The following ITPRID2 variants were observed in gnomAD, a reference collection of about 807,000 sequenced individuals.
ITPRID2 encodes the protein ITPR interacting domain containing 2.
A neutral mutation model predicts 124.3 loss-of-function variants in ITPRID2; 60 were observed. The ratio of observed to expected loss-of-function variants is 0.48; its 90% CI spans 0.39 to 0.60. ITPRID2 has a LOEUF of 0.60. Ranked by LOEUF, ITPRID2 falls within the 20% of genes least tolerant of loss-of-function variation. ITPRID2 has a pLI of 0.00. For missense variants in ITPRID2, 1,553 were observed against 1,512.2 expected (o/e 1.03, Z -0.45); for synonymous variants, 521 against 542.9 (o/e 0.96, Z 0.56).
chr2:181,928,013 G>A (rs747903562), intron 16 of ITPRID2, 148 bp from the exon 17 acceptor site: 21 of 579,298 alleles, frequency 3.6e-5, no homozygotes, highest in Non-Finnish European at 5.6e-5. Flanking sequence ...AGATGGACTC[G>A]ATTCCCCACT....
intron 6 of ITPRID2, among the ~76,000 whole-genome samples, chr2:181,900,443 C>T (rs988241877): frequency 6.6e-6 from 1 of 152,144 alleles, no homozygotes; most frequent in Non-Finnish European, 1.5e-5. Context: ...TAGGGAATCT[C>T]TGACTGTGTT....
intron 17 of ITPRID2, among the ~76,000 whole-genome samples, chr2:181,928,869 G>A (rs538598011): frequency 1.3e-4 from 20 of 151,978 alleles, no homozygotes; most frequent in Non-Finnish European, 2.1e-4. Context: ...CTCGTGATCC[G>A]CCCGCCTCGG....
intron 2 of ITPRID2, among the ~76,000 whole-genome samples, chr2:181,895,137 A>G (rs909027508): frequency 6.6e-6 from 1 of 152,000 alleles, no homozygotes; most frequent in Non-Finnish European, 1.5e-5. Flanking sequence ...TTTCAGTAAC[A>G]TTTCCTTGAA....
At position 181,905,097 on chromosome 2, in the gene ITPRID2, G is replaced by A. The variant is rs979669745; in HGVS notation, c.1413+2631G>A. Among the ~76,000 whole-genome samples the A allele has an allele frequency of 1.4e-5, 2 of 145,578 alleles. No individual in the cohort carries two copies. The highest frequency in any genetic ancestry group is 3.0e-5 in the Non-Finnish European group (2 of 67,168). ...GAGACGGAGTCGCGCATTGTCACCC[G>A]GGAGTGCAGTGGTGCAATCTTGGCT... On this transcript the variant is annotated intron_variant, in intron 8 of 17. Transcript: ENST00000431877. The surrounding 1 kb of genome is among the most constrained non-coding windows in gnomAD (Gnocchi z 4.1).
intron 11 of ITPRID2, chr2:181,918,157 G>A (rs772187188): frequency 1.1e-5 from 3 of 271,916 alleles, no homozygotes; most frequent in African/African-American, 2.3e-5. Context: ...TACCTTTTAT[G>A]TTTTTATCTC....
chr2:181,911,592 C>CT (rs1693609439), intron 9 of ITPRID2, among the ~76,000 whole-genome samples: 1 of 152,072 alleles, frequency 6.6e-6, no homozygotes, highest in African/African-American at 2.4e-5. Context: ...AATGTTTCCT[C>CT]TAACTTCCTA....
In ITPRID2 at chr2:181,907,858, T is replaced by C. The variant is rs1693276498; in HGVS notation, c.1414-2041T>C. ...GAGTAAACAAGAAGAATCCCAACTT[T>C]AGTTTTATTAGTAAAATGTGACTGT... On this transcript the variant is annotated intron_variant, in intron 8 of 17. Transcript: ENST00000431877. The surrounding 1 kb of genome is among the most constrained non-coding windows in gnomAD (Gnocchi z 5.1). Among the ~76,000 whole-genome samples, 1 of 152,210 alleles carries C rather than the reference T, an allele frequency of 6.6e-6. No homozygotes were observed. The highest frequency in any genetic ancestry group is 6.5e-5 in the Admixed American group (1 of 15,276).
chr2:181,899,617 C>T (rs1692493708), intron 6 of ITPRID2, among the ~76,000 whole-genome samples: 1 of 152,102 alleles, frequency 6.6e-6, no homozygotes, highest in Non-Finnish European at 1.5e-5. Context: ...GGGTGGATTA[C>T]TTGAGCTTAG....
chr2:181,919,152 A>G lies in ITPRID2; in HGVS notation c.2994-144A>G. 1.1e-6 allele frequency: 1 copy of G among 946,544 alleles called. No individual in the cohort carries two copies. The highest frequency in any genetic ancestry group is 1.6e-6 in the Non-Finnish European group (1 of 638,372). 58.6% of individuals were successfully genotyped at this position (946,544 alleles called of 1,614,324 possible). On this transcript the variant is annotated intron_variant, in intron 13 of 17. Coordinates refer to ENST00000431877, the MANE Select transcript of ITPRID2 (RefSeq NM_001130445.3). This position sits in a 1 kb window ranked among gnomAD's most constrained non-coding sequence, Gnocchi z 4.2. ...GAAAGACTAATGTCCTTGTGGATAC[A>G]CCTATTGTAGTTGATATTGTACTAA...
intron 16 of ITPRID2, among the ~76,000 whole-genome samples, chr2:181,923,099 A>G (rs1043194503): frequency 6.6e-6 from 1 of 152,216 alleles, no homozygotes; most frequent in African/African-American, 2.4e-5. Flanking sequence ...GAATTACCAT[A>G]GTTATGGATG....
rs780722766 is a variant in ITPRID2, at chr2:181,915,866, C to T, written c.2226C>T (p.Thr742=). Residue 742 remains threonine, a synonymous_variant, in exon 11 of 18, where the codon ACC becomes ACT. Transcript: ENST00000431877. ...TAAGAAGGTCTCAGTCTTTACCAAC[C>T]ACCTTATTGAGCCCAGTAAGGGTTG... ...YPLRRSQSLP[T]TLLSPVRVVS... 8.1e-6 allele frequency: 13 copies of T among 1,614,028 alleles called. No homozygotes were observed. Among genetic ancestry groups the T allele is most frequent in the Non-Finnish European group, 1.1e-5 (13 of 1,180,028 alleles).
At chr2:181,904,281 T>C (rs932679567) in intron 8 of ITPRID2, among the ~76,000 whole-genome samples, 7 of 152,134 alleles carry the variant, frequency 4.6e-5, no homozygotes, top group Admixed American at 2.6e-4. Flanking sequence ...GACGTGAACA[T>C]TTTTTTGAAG....
chr2:181,909,800 C>T, intron 8 of ITPRID2, 99 bp from the exon 9 acceptor site: 1 of 795,060 alleles, frequency 1.3e-6, no homozygotes, highest in Non-Finnish European at 2.0e-6. Context: ...TTTTGGTGCA[C>T]TTGAGTTAGG....
chr2:181,903,218 A>G (rs1003155176), intron 8 of ITPRID2, among the ~76,000 whole-genome samples: 11 of 152,192 alleles, frequency 7.2e-5, no homozygotes, highest in African/African-American at 2.4e-4. Context: ...CCAAGCATCT[A>G]CCCTGTGCTG....
In ITPRID2 at chr2:181,900,797, C is replaced by T. The variant is rs1446665670; in HGVS notation, c.605C>T (p.Ser202Phe). The change falls in exon 7 of 18, where the codon TCC (serine) becomes TTC (phenylalanine). Residue 202 changes from serine (S) to phenylalanine (F), a missense_variant. Physicochemically the swap from Ser to Phe is radical, Grantham distance 155. Coordinates refer to ENST00000431877, the MANE Select transcript of ITPRID2 (RefSeq NM_001130445.3). ...DEPDIASKIP[S>F]RFFNSSSFAK... is the part of the protein sequence containing the mutation. ...CCAGATATTGCTTCTAAAATTCCTT[C>T]CAGATTTTTTAATTCATCATCCTTT... 6.2e-7 allele frequency: 1 copy of T among 1,612,888 alleles called. No individual in the cohort carries two copies. The highest frequency in any genetic ancestry group is 8.5e-7 in the Non-Finnish European group (1 of 1,179,486).
At position 181,902,780 on chromosome 2, in the gene ITPRID2, C is replaced by A. The variant is rs1692777679; in HGVS notation, c.1413+314C>A. On this transcript the variant is annotated intron_variant, in intron 8 of 17. Coordinates refer to ENST00000431877, the MANE Select transcript of ITPRID2 (RefSeq NM_001130445.3). The surrounding 1 kb of genome is among the most constrained non-coding windows in gnomAD (Gnocchi z 4.4). ...TGAGAGAGTATATTTAAATTCAAAG[C>A]AATATTGCATAATAGTTAGAAACAC... 6.6e-6 allele frequency among the ~76,000 whole-genome samples: 1 copy of A among 152,138 alleles called. No homozygotes were observed. Among genetic ancestry groups the A allele is most frequent in the Non-Finnish European group, 1.5e-5 (1 of 68,000 alleles).
rs1559017196 is a variant in ITPRID2 at position 181,922,028 on chromosome 2, T to A, written c.3291T>A (p.Pro1097=). ...TTGGAGAAATGGGATTTGAAATTCC[T>A]CCTGGAGAAAGCTCAGAATCTGTTT... ...LGLGEMGFEI[P]PGESSESVFS... is the part of the protein sequence containing the mutation. Residue 1097 remains proline, a synonymous_variant, in exon 16 of 18, where the codon CCT becomes CCA. Coordinates refer to ENST00000431877, the MANE Select transcript of ITPRID2 (RefSeq NM_001130445.3). 1 of 1,614,194 alleles carries A rather than the reference T, an allele frequency of 6.2e-7. No individual in the cohort carries two copies. The highest frequency in any genetic ancestry group is 1.7e-5 in the Admixed American group (1 of 60,014).
intron 4 of ITPRID2, 107 bp downstream of exon 4, chr2:181,897,071 C>G (rs1692262623): frequency 3.3e-6 from 3 of 916,328 alleles, no homozygotes; most frequent in Non-Finnish European, 5.3e-6. Flanking sequence ...ATTTAAAGGT[C>G]TTGAAAATGG....
intron 11 of ITPRID2, chr2:181,918,365 G>T (rs1191626613): frequency 7.8e-7 from 1 of 1,280,704 alleles, no homozygotes. Context: ...TGTGAACTAT[G>T]TTCCTTCGCC....
Sources: allele counts gnomAD v4.1 joint callset (sites outside exome capture counted in the v4.1 genomes callset), GRCh38; gene constraint gnomAD v4.1.1; non-coding constraint Gnocchi (gnomAD v3.1); transcripts MANE v1.5; gene names NCBI Gene and HGNC (gene_info 2026-07-23, HGNC 2026-07-21).